Variants in ZNF560 observed in about 807,000 individuals in gnomAD.
ZNF560 encodes zinc finger protein 560.
Under a neutral mutation model 81.8 loss-of-function variants are expected in ZNF560, and 54 were observed. The ratio of observed to expected loss-of-function variants is 0.66; its 90% confidence interval spans 0.53 to 0.83. ZNF560 has a LOEUF of 0.83. Ranked by LOEUF, ZNF560 falls within the 40% of genes least tolerant of loss-of-function variation. ZNF560 has a pLI of 0.00. For synonymous variants in ZNF560, 321 were observed against 317.9 expected, an observed-to-expected ratio of 1.01 and a Z score of -0.10; for missense variants, 940 against 932.4, an observed-to-expected ratio of 1.01 and a Z score of -0.11.
At chr19:9,497,629 C>A (rs774777465) in intron 2 of ZNF560, among the ~76,000 whole-genome samples, 8 of 151,604 alleles carry the variant, frequency 5.3e-5, no homozygotes, top group Admixed American at 1.3e-4. Flanking sequence ...ATTTACGAGA[C>A]GGCGAATACA....
At chr19:9,470,308 T>C in intron 7 of ZNF560, 84 bp downstream of exon 7, 1 of 1,516,764 alleles carries the variant, frequency 6.6e-7, no homozygotes, top group South Asian at 1.3e-5. Context: ...TATTCAGATT[T>C]GACATCACTA....
Position 9,470,305 on chromosome 19 carries a change from A to ATT in ZNF560, c.448+85_448+86dup, listed in dbSNP as rs1395667040. 7 of 1,511,006 alleles carry ATT rather than the reference A, an allele frequency of 4.6e-6. No homozygotes were observed. In the Admixed American group the frequency reaches 1.3e-4, roughly 29 times the overall value. 93.6% of individuals were successfully genotyped at this position (1,511,006 alleles called of 1,614,324 possible). A position where few individuals can be genotyped will look rare whatever the true frequency, so the allele number is the denominator to read the frequency against. On this transcript the variant is annotated intron_variant, in intron 7 of 9. Transcript: ENST00000301480. ...TGTGTATATATCCCACTGTATTCAGATTTGACATCACTAATCCTAGAATAC... is the reference window on the plus strand; with the variant it reads ...TGTGTATATATCCCACTGTATTCAGATTTTTGACATCACTAATCCTAGAATAC...
At chr19:9,461,545 C>T (rs911192383), downstream of ZNF560, among the ~76,000 whole-genome samples, 8 of 152,186 alleles carry the variant, frequency 5.3e-5, no homozygotes, top group African/African-American at 1.9e-4. Context: ...CTACATTCAT[C>T]AGTGCAGACA....
chr19:9,460,748 A>T, the ZNF560 span, among the ~76,000 whole-genome samples: 1 of 152,208 alleles, frequency 6.6e-6, no homozygotes, highest in African/African-American at 2.4e-5. Flanking sequence ...TAATTGAGGC[A>T]TACCGCCCTC....
At chr19:9,475,040 A>G (rs2073179367) in intron 3 of ZNF560, among the ~76,000 whole-genome samples, 1 of 152,066 alleles carries the variant, frequency 6.6e-6, no homozygotes, top group Non-Finnish European at 1.5e-5. Flanking sequence ...CAGCAAAATA[A>G]GAAATATATA....
chr19:9,504,722 G>A, the ZNF560 span, among the ~76,000 whole-genome samples: 1 of 152,082 alleles, frequency 6.6e-6, no homozygotes, highest in East Asian at 1.9e-4. Flanking sequence ...ATATAACTTT[G>A]GGGTCTGTTT....
chr19:9,466,428 A>T lies in ZNF560; in HGVS notation c.*146T>A. On this transcript the variant is annotated 3_prime_UTR_variant, in exon 10 of 10. Coordinates refer to ENST00000301480, the MANE Select transcript of ZNF560 (RefSeq NM_152476.3). ...GTTTCTCTACAGTGTGAGTTTGTAC[A>T]TATCTAGAAAGATTCAACTGTTCAG... 1 of 696,008 alleles carries T rather than the reference A, an allele frequency of 1.4e-6. No individual in the cohort carries two copies. 43.1% of individuals were successfully genotyped at this position (696,008 alleles called of 1,614,324 possible).
chr19:9,487,146 TA>T (rs541379646), intron 2 of ZNF560, among the ~76,000 whole-genome samples: 66 of 152,308 alleles, frequency 4.3e-4, no homozygotes, highest in Non-Finnish European at 8.2e-4. Flanking sequence ...ACAAGCTCCA[TA>T]AGGGATAAAA....
chr19:9,506,367 C>G, the ZNF560 span, among the ~76,000 whole-genome samples: 5 of 150,562 alleles, frequency 3.3e-5, no homozygotes, highest in Non-Finnish European at 7.4e-5. Flanking sequence ...ACCTACTTAA[C>G]TTCAATAGCA....
chr19:9,446,829 G>T, the ZNF560 span, among the ~76,000 whole-genome samples: 1 of 152,072 alleles, frequency 6.6e-6, no homozygotes, highest in Non-Finnish European at 1.5e-5. Flanking sequence ...CTTCAAAGGG[G>T]ATTTGGATAT....
chr19:9,487,313 G>A (rs1295637438), intron 2 of ZNF560, among the ~76,000 whole-genome samples: 2 of 152,202 alleles, frequency 1.3e-5, no homozygotes, highest in African/African-American at 2.4e-5. Context: ...AAAGGAATAA[G>A]CATTTTACTT....
chr19:9,485,233 T>C lies in ZNF560; in HGVS notation c.-56-9864A>G, dbSNP rs1391007772. ...AAGAAGGATGCTACAAAGAGAAACT[T>C]ACAGGCCAATATCCCTAAGTATACA... On this transcript the variant is annotated intron_variant, in intron 2 of 9. Transcript: ENST00000301480. Among the ~76,000 whole-genome samples the C allele has an allele frequency of 2.0e-5, 3 of 152,140 alleles. No individual in the cohort carries two copies. In the East Asian group the frequency reaches 5.8e-4, roughly 29 times the overall value.
At position 9,469,094 on chromosome 19, in the gene ZNF560, G is replaced by A. The variant is rs746283333; in HGVS notation, c.612+11C>T. On this transcript the variant is annotated intron_variant, in intron 9 of 9. Coordinates refer to ENST00000301480, the MANE Select transcript of ZNF560 (RefSeq NM_152476.3). ...ATGTGAAAAATAAGAAAGTTCTTTT[G>A]TTAATCTTACCAACTGTATCCCATT... The A allele has an allele frequency of 1.9e-6, 3 of 1,565,122 alleles. No individual in the cohort carries two copies. In the African/African-American group the frequency reaches 4.1e-5, roughly 21 times the overall value.
the ZNF560 span, among the ~76,000 whole-genome samples, chr19:9,450,246 G>A: frequency 4.6e-5 from 7 of 151,596 alleles, no homozygotes; most frequent in African/African-American, 9.7e-5. Flanking sequence ...AGCCGAGATC[G>A]CGCTATTGCA....
At chr19:9,459,536 C>T in the ZNF560 span, among the ~76,000 whole-genome samples, 7,345 of 152,094 alleles carry the variant, frequency 0.048, 612 homozygotes, top group African/African-American at 0.17. Context: ...CGAAGTATGG[C>T]AGAGTCAAAG....
chr19:9,486,941 A>G (rs140130434), intron 2 of ZNF560, among the ~76,000 whole-genome samples: 1 of 152,208 alleles, frequency 6.6e-6, no homozygotes, highest in East Asian at 1.9e-4. Flanking sequence ...GCCATGTCCC[A>G]GCTCACAGCT....
the ZNF560 span, among the ~76,000 whole-genome samples, chr19:9,457,233 G>C: frequency 6.6e-6 from 1 of 152,194 alleles, no homozygotes; most frequent in Non-Finnish European, 1.5e-5. Flanking sequence ...TATTAATTCA[G>C]CTATATAACC....
chr19:9,454,038 G>T, the ZNF560 span, among the ~76,000 whole-genome samples: 1 of 152,220 alleles, frequency 6.6e-6, no homozygotes, highest in Non-Finnish European at 1.5e-5. Flanking sequence ...ACCAGAATAA[G>T]CTCAAGGAAC....
intron 2 of ZNF560, among the ~76,000 whole-genome samples, chr19:9,484,664 C>T (rs1469443897): frequency 1.3e-5 from 2 of 150,120 alleles, no homozygotes; most frequent in Non-Finnish European, 3.0e-5. Flanking sequence ...GGCGTCACAG[C>T]GCGCGCTACT....
Sources: gnomAD v4.1 joint callset for allele counts (sites outside exome capture counted in the v4.1 genomes callset) on GRCh38, gnomAD v4.1.1 for gene constraint, MANE v1.5 for transcripts, NCBI Gene and HGNC (gene_info 2026-07-23, HGNC 2026-07-21) for gene names.